Variants in TIAM2 observed in about 807,000 individuals in gnomAD.
TIAM2 encodes the protein TIAM Rac1 associated GEF 2, also known as rho guanine nucleotide exchange factor TIAM2.
Under a neutral mutation model 152.9 loss-of-function variants are expected in TIAM2, and 80 were observed. That is an observed-to-expected ratio of 0.52 (90% CI 0.44 to 0.63). The LOEUF (loss-of-function observed/expected upper bound fraction) is 0.63. Among genes scored for constraint, TIAM2 ranks in the 30% least tolerant of loss-of-function variants. TIAM2 has a pLI of 0.00. For missense variants in TIAM2, 1,965 were observed against 2,120.1 expected, an observed-to-expected ratio of 0.93 and a Z score of 1.44; for synonymous variants, 804 against 838.0, an observed-to-expected ratio of 0.96 and a Z score of 0.70.
chr6:155,090,616 T>C (rs1443783079), intron 2 of TIAM2, among the ~76,000 whole-genome samples: 1 of 152,246 alleles, frequency 6.6e-6, no homozygotes, highest in East Asian at 1.9e-4. Context: ...TGCTGGATGG[T>C]CCACTCAGTG....
chr6:155,256,209 C>T lies in TIAM2; in HGVS notation c.4469-275C>T, dbSNP rs923151983. On this transcript the variant is annotated intron_variant, in intron 26 of 26. Transcript: ENST00000682666. Reference sequence around the variant, plus strand: ...TCCTTGGCAAAATAAGAATCTTAGCCCATGTAGTAGTTTCTAGTGTCTAGT... The same window carrying T: ...TCCTTGGCAAAATAAGAATCTTAGCTCATGTAGTAGTTTCTAGTGTCTAGT... 2.1e-5 allele frequency: 12 copies of T among 565,642 alleles called. No homozygotes were observed. In the Admixed American group the frequency reaches 3.9e-4, roughly 19 times the overall value. The allele number at this position is 565,642 out of a possible 1,614,324, so 35.0% of individuals were successfully genotyped here.
intron 15 of TIAM2, among the ~76,000 whole-genome samples, chr6:155,226,954 C>T (rs191779297): frequency 7.9e-5 from 12 of 152,288 alleles, no homozygotes; most frequent in Admixed American, 7.2e-4. Context: ...CTGACTGTCC[C>T]GTGGCGAAGG....
chr6:155,107,052 C>G (rs1195918698), intron 2 of TIAM2, among the ~76,000 whole-genome samples: 1 of 152,080 alleles, frequency 6.6e-6, no homozygotes, highest in African/African-American at 2.4e-5. Flanking sequence ...TTACCATGAG[C>G]AGAAGGAAGA....
intron 15 of TIAM2, among the ~76,000 whole-genome samples, chr6:155,216,290 T>G (rs1781859728): frequency 6.6e-6 from 1 of 152,182 alleles, no homozygotes; most frequent in East Asian, 1.9e-4. Flanking sequence ...CCAACTGGTC[T>G]TCTCAGGGGT....
intron 9 of TIAM2, among the ~76,000 whole-genome samples, chr6:155,170,520 G>C (rs1459618570): frequency 6.6e-6 from 1 of 152,160 alleles, no homozygotes. Context: ...AGGATTGCTT[G>C]AGCCTGGGAG....
At chr6:155,227,702 C>G (rs547374752) in intron 15 of TIAM2, among the ~76,000 whole-genome samples, 2 of 152,314 alleles carry the variant, frequency 1.3e-5, no homozygotes, top group African/African-American at 2.4e-5. Context: ...CTGGACACGA[C>G]TTTTTGGTTC....
chr6:155,084,887 A>C (rs902448596), intron 1 of TIAM2, among the ~76,000 whole-genome samples: 2 of 152,170 alleles, frequency 1.3e-5, no homozygotes, highest in African/African-American at 4.8e-5. Context: ...AGGCTGGTGA[A>C]AATTGTTATT....
At chr6:155,083,067 G>T (rs1185135334) in intron 1 of TIAM2, among the ~76,000 whole-genome samples, 1 of 152,240 alleles carries the variant, frequency 6.6e-6, no homozygotes, top group East Asian at 1.9e-4. Context: ...TAGAGGTGGG[G>T]CCGGGCACAG....
chr6:155,067,068 T>C (rs991370556), intron 1 of TIAM2, among the ~76,000 whole-genome samples: 2 of 152,190 alleles, frequency 1.3e-5, no homozygotes, highest in Non-Finnish European at 2.9e-5. Flanking sequence ...TTTGCAGTCT[T>C]CCCAGCCTGC....
intron 1 of TIAM2, among the ~76,000 whole-genome samples, chr6:155,002,779 C>G (rs1262554742): frequency 6.6e-6 from 1 of 151,778 alleles, no homozygotes; most frequent in Non-Finnish European, 1.5e-5. Flanking sequence ...CTCCAGGGTT[C>G]GAGCAGTTCT....
At chr6:155,222,594 CTG>C (rs61670486) in intron 15 of TIAM2, among the ~76,000 whole-genome samples, 95,897 of 148,872 alleles carry the variant, frequency 0.64, 31,504 homozygotes, top group African/African-American at 0.74. Context: ...GAGCAAGACT[CTG>C]TTTCAAAAAC....
intron 2 of TIAM2, among the ~76,000 whole-genome samples, chr6:155,104,058 C>CCCCCCACA (rs1778620589): frequency 1.7e-5 from 1 of 60,322 alleles, no homozygotes; most frequent in Non-Finnish European, 3.5e-5. Flanking sequence ...CCCCACACCC[C>CCCCCCACA]CACACACCCC....
chr6:155,107,682 C>T (rs1258921413), intron 2 of TIAM2, among the ~76,000 whole-genome samples: 2 of 152,142 alleles, frequency 1.3e-5, no homozygotes, highest in African/African-American at 4.8e-5. Context: ...TTGACTTTCG[C>T]TGTTTAGTAT....
chr6:155,042,024 T>C (rs1470608706), intron 1 of TIAM2, among the ~76,000 whole-genome samples: 1 of 151,778 alleles, frequency 6.6e-6, no homozygotes, highest in Admixed American at 6.6e-5. Flanking sequence ...ACCAGACTTT[T>C]TTTCTTTTTT....
At chr6:155,202,883 C>CAAAA (rs36086677) in intron 14 of TIAM2, among the ~76,000 whole-genome samples, 2 of 109,178 alleles carry the variant, frequency 1.8e-5, no homozygotes, top group Non-Finnish European at 3.6e-5. Flanking sequence ...ACTAAAAATA[C>CAAAA]AAAAAAAAAA....
intron 14 of TIAM2, among the ~76,000 whole-genome samples, chr6:155,203,855 T>C (rs1781537567): frequency 6.6e-6 from 1 of 152,210 alleles, no homozygotes; most frequent in Non-Finnish European, 1.5e-5. Context: ...TGCAAAATGC[T>C]ATGGGTTGGA....
intron 15 of TIAM2, chr6:155,217,206 G>T (rs1428387077): frequency 3.5e-6 from 4 of 1,148,762 alleles, no homozygotes; most frequent in Non-Finnish European, 4.6e-6. Flanking sequence ...AATGTCTAAA[G>T]ACTGATATGC....
At chr6:155,203,015 C>G (rs939494391) in intron 14 of TIAM2, among the ~76,000 whole-genome samples, 4 of 135,004 alleles carry the variant, frequency 3.0e-5, no homozygotes, top group Non-Finnish European at 6.0e-5. Context: ...CGCCACTGCA[C>G]TCCAGCCTGG....
At chr6:155,162,215 C>T (rs1414797001) in intron 7 of TIAM2, among the ~76,000 whole-genome samples, 3 of 152,174 alleles carry the variant, frequency 2.0e-5, no homozygotes, top group Non-Finnish European at 4.4e-5. Context: ...ACCTCGGCCT[C>T]TCCAAGTGCT....
Sources: gnomAD v4.1 joint callset for allele counts (sites outside exome capture counted in the v4.1 genomes callset) on GRCh38, gnomAD v4.1.1 for gene constraint, MANE v1.5 for transcripts, NCBI Gene and HGNC (gene_info 2026-07-23, HGNC 2026-07-21) for gene names.